Variants in PPP1CC observed in about 807,000 individuals in gnomAD.
The protein encoded by PPP1CC is protein phosphatase 1 catalytic subunit gamma.
PPP1CC carries 16 observed loss-of-function variants against 38.4 expected under a neutral mutation model. That is an observed-to-expected ratio of 0.42 (90% CI 0.28 to 0.63). The LOEUF is 0.63. Among genes scored for constraint, PPP1CC ranks in the 30% least tolerant of loss-of-function variants. The pLI is 0.25. For missense variants in PPP1CC, 170 were observed against 391.3 expected (o/e 0.43, Z 4.77); for synonymous variants, 158 against 136.0 (o/e 1.16, Z -1.13).
chr12:110,728,812 C>G (rs1255468600), intron 3 of PPP1CC, among the ~76,000 whole-genome samples: 2 of 152,196 alleles, frequency 1.3e-5, no homozygotes, highest in East Asian at 1.9e-4. Context: ...AGCTGGATCT[C>G]AAGGTCACAG....
At chr12:110,727,612 TAAAAA>T (rs60861001) in intron 3 of PPP1CC, among the ~76,000 whole-genome samples, 1 of 133,406 alleles carries the variant, frequency 7.5e-6, no homozygotes, top group Admixed American at 7.6e-5. Flanking sequence ...TTTACAAAGT[TAAAAA>T]AAAAAAAAAA....
the PPP1CC span, among the ~76,000 whole-genome samples, chr12:110,713,616 A>G: frequency 6.6e-6 from 1 of 152,108 alleles, no homozygotes; most frequent in Non-Finnish European, 1.5e-5. Context: ...CGTGGTTTCA[A>G]TCTTTGGAGG....
intron 6 of PPP1CC, chr12:110,721,433 C>T (rs1351136461): frequency 1.1e-5 from 3 of 274,016 alleles, no homozygotes; most frequent in African/African-American, 2.2e-5. Context: ...CTGGTAGTAT[C>T]TTTAGCTACT....
At chr12:110,730,469 T>A (rs1043305820) in intron 3 of PPP1CC, 60 bp downstream of exon 3, 1 of 1,260,308 alleles carries the variant, frequency 7.9e-7, no homozygotes, top group African/African-American at 1.5e-5. Flanking sequence ...TATGTGATAA[T>A]TGTTTATGAT....
Position 110,730,711 on chromosome 12 carries a change from C to G in PPP1CC, c.236G>C (p.Gly79Ala). ...YYDLLRLFEY[G>A]GFPPESNYLF... The stretch of plus-strand genomic sequence containing the variant: ...GTAGTTGCTTTCTGGTGGGAAACCA[C>G]CGTACTCAAAAAGTCGCAGCAAATC... Residue 79 changes from glycine to alanine, a missense_variant, in exon 3 of 7, where the codon GGT becomes GCT. Transcript: ENST00000335007. The G allele has an allele frequency of 6.2e-7, 1 of 1,613,904 alleles. No individual in the cohort carries two copies. Among genetic ancestry groups the G allele is most frequent in the Non-Finnish European group, 8.5e-7 (1 of 1,179,956 alleles).
At chr12:110,730,426 C>T (rs2069859079) in intron 3 of PPP1CC, 103 bp downstream of exon 3, 5 of 922,260 alleles carry the variant, frequency 5.4e-6, no homozygotes, top group Non-Finnish European at 8.2e-6. Context: ...GATGATACCA[C>T]TGCATCTAAA....
In PPP1CC at chr12:110,720,812, G is replaced by T; in HGVS notation, c.*264C>A. 1 of 347,564 alleles carries T rather than the reference G, an allele frequency of 2.9e-6. No homozygotes were observed. Among genetic ancestry groups the T allele is most frequent in the South Asian group, 3.5e-5 (1 of 28,590 alleles). The allele number at this position is 347,564 out of a possible 1,614,324, so 21.5% of individuals were successfully genotyped here. On this transcript the variant is annotated 3_prime_UTR_variant, in exon 7 of 7. Transcript: ENST00000335007. ...CCTCAGACAGGATAAACTGTCCTGG[G>T]GTGTACAGCTTTAACACCATCATTA...
intron 1 of PPP1CC, among the ~76,000 whole-genome samples, chr12:110,736,554 G>T (rs1259260882): frequency 6.6e-6 from 1 of 152,206 alleles, no homozygotes; most frequent in South Asian, 2.1e-4. Flanking sequence ...TAAGATGGGA[G>T]GATCACTTGA....
Position 110,722,311 on chromosome 12 carries a change from T to C in PPP1CC, c.748-42A>G. 6.2e-7 allele frequency: 1 copy of C among 1,601,940 alleles called. No homozygotes were observed. Among genetic ancestry groups the C allele is most frequent in the South Asian group, 1.1e-5 (1 of 90,484 alleles). ...TTTCAATATAAATAGGTGCAAATAT[T>C]AGGTGAGTAAAACCATGTTTCAGTT... On this transcript the variant is annotated intron_variant, in intron 5 of 6. Transcript: ENST00000335007. The surrounding 1 kb of genome is among the most constrained non-coding windows in gnomAD (Gnocchi z 5.4).
In PPP1CC at chr12:110,721,180, G is replaced by A. The variant is rs2069735049; in HGVS notation, c.883-15C>T. On this transcript the variant is annotated splice_polypyrimidine_tract_variant and intron_variant, in intron 6 of 6. Coordinates refer to ENST00000335007, the MANE Select transcript of PPP1CC (RefSeq NM_002710.4). ...GGCTTTAAAATCTGGAGATTCAAAA[G>A]ACAGTTAATTTAGGAAATATACTCA... is the stretch of plus-strand genomic sequence containing the variant. 6.2e-7 allele frequency: 1 copy of A among 1,607,170 alleles called. No homozygotes were observed. The highest frequency in any genetic ancestry group is 1.3e-5 in the African/African-American group (1 of 74,590).
At chr12:110,709,626 T>G in the PPP1CC span, among the ~76,000 whole-genome samples, 1 of 151,022 alleles carries the variant, frequency 6.6e-6, no homozygotes, top group Non-Finnish European at 1.5e-5. Flanking sequence ...TGGTGTGATC[T>G]CGGCTCACTG....
chr12:110,721,217 T>G, intron 6 of PPP1CC, 52 bp from the exon 7 acceptor site: 2 of 1,466,140 alleles, frequency 1.4e-6, no homozygotes, highest in Non-Finnish European at 1.9e-6. Context: ...CCCCAAATCT[T>G]AAGAGTCCTT....
At chr12:110,731,181 T>A (rs2069867684) in intron 2 of PPP1CC, among the ~76,000 whole-genome samples, 1 of 150,430 alleles carries the variant, frequency 6.6e-6, no homozygotes, top group African/African-American at 2.4e-5. Flanking sequence ...CAAAAGCACA[T>A]ACACACATAC....
intron 2 of PPP1CC, among the ~76,000 whole-genome samples, chr12:110,731,543 T>C (rs538246430): frequency 6.6e-6 from 1 of 151,918 alleles, no homozygotes; most frequent in African/African-American, 2.4e-5. Context: ...TTTGCAATGT[T>C]TATTCCTTCA....
intron 3 of PPP1CC, among the ~76,000 whole-genome samples, chr12:110,728,419 A>AAAAAC (rs2069834122): frequency 1.3e-5 from 2 of 151,764 alleles, no homozygotes; most frequent in African/African-American, 4.8e-5. Context: ...AAAAAACAAA[A>AAAAAC]AACAAAAAAC....
downstream of PPP1CC, among the ~76,000 whole-genome samples, chr12:110,715,643 G>A (rs1026332722): frequency 2.6e-5 from 4 of 151,706 alleles, no homozygotes; most frequent in Non-Finnish European, 4.4e-5. Context: ...TTTTTGAGAC[G>A]GAGTTTTGCT....
the PPP1CC span, among the ~76,000 whole-genome samples, chr12:110,712,634 TCAAAAAAAAAAAAA>T: frequency 8.4e-5 from 2 of 23,682 alleles, no homozygotes; most frequent in Non-Finnish European, 7.1e-5. Context: ...AGAAACTGTC[TCAAAAAAAAAAAAA>T]AAAAAAAAAA....
chr12:110,716,948 T>C (rs1035631557), downstream of PPP1CC, among the ~76,000 whole-genome samples: 2 of 152,190 alleles, frequency 1.3e-5, no homozygotes, highest in Non-Finnish European at 2.9e-5. Context: ...GCTGAAGGTG[T>C]TGATAGTCCA....
chr12:110,737,477 C>CAAAAAAAAAAAAAAAAAA lies in PPP1CC; in HGVS notation c.55+5158_55+5175dup, dbSNP rs71083137. On this transcript the variant is annotated intron_variant, in intron 1 of 6. Transcript: ENST00000335007. ...CCAGCCTGGGTGACAAAGAAAGACT[C>CAAAAAAAAAAAAAAAAAA]AAAAAAAAAAAAAAAAAAAAAAAAG... Among the ~76,000 whole-genome samples, 138 of 42,444 alleles carry CAAAAAAAAAAAAAAAAAA rather than the reference C, an allele frequency of 3.3e-3. 1 individual carries two copies. The highest frequency in any genetic ancestry group is 4.7e-3 in the Non-Finnish European group (111 of 23,756). The allele number at this position is 42,444 out of a possible 152,430, so 27.8% of individuals were successfully genotyped here.
Sources: gnomAD v4.1 joint callset for allele counts (sites outside exome capture counted in the v4.1 genomes callset) on GRCh38, gnomAD v4.1.1 for gene constraint, Gnocchi (gnomAD v3.1) non-coding constraint, MANE v1.5 for transcripts, NCBI Gene and HGNC (gene_info 2026-07-23, HGNC 2026-07-21) for gene names.